The following NCOA2 variants were observed in gnomAD, a reference collection of about 807,000 sequenced individuals.
NCOA2 encodes nuclear receptor coactivator 2.
In NCOA2, 21 loss-of-function variants were observed where a neutral mutation model predicts 145.1. The observed-to-expected ratio is 0.14, with a 90% CI of 0.10 to 0.21. NCOA2 has a LOEUF of 0.21. NCOA2 is among the 10% of genes least tolerant of loss of function. The probability of loss-of-function intolerance (pLI) is 1.00; values close to 1 mark genes in which losing one functional copy is unlikely to be tolerated. For synonymous variants in NCOA2, 619 were observed against 637.5 expected (o/e 0.97, Z 0.44); for missense variants, 1,472 against 1,837.6 (o/e 0.80, Z 3.64).
chr8:70,253,126 G>A (rs532695441), intron 2 of NCOA2, among the ~76,000 whole-genome samples: 1 of 152,246 alleles, frequency 6.6e-6, no homozygotes, highest in Non-Finnish European at 1.5e-5. Context: ...AAGGAAGAGG[G>A]TGATAACTGC....
chr8:70,193,489 T>C (rs1243039229), intron 4 of NCOA2, among the ~76,000 whole-genome samples: 1 of 152,146 alleles, frequency 6.6e-6, no homozygotes, highest in Non-Finnish European at 1.5e-5. Context: ...GACAAAAATA[T>C]GTAACAACTT....
intron 1 of NCOA2, among the ~76,000 whole-genome samples, chr8:70,321,982 A>G (rs1441359120): frequency 1.3e-5 from 2 of 151,726 alleles, no homozygotes; most frequent in African/African-American, 2.4e-5. Context: ...TACAAAAATT[A>G]GCCAGGCATG....
intron 1 of NCOA2, among the ~76,000 whole-genome samples, chr8:70,334,809 T>C (rs948604156): frequency 2.0e-5 from 3 of 152,050 alleles, no homozygotes; most frequent in East Asian, 1.9e-4. Flanking sequence ...CTCTTAGTAA[T>C]ATTCATTTTG....
chr8:70,390,013 A>G (rs1813044304), intron 1 of NCOA2, among the ~76,000 whole-genome samples: 1 of 152,220 alleles, frequency 6.6e-6, no homozygotes, highest in African/African-American at 2.4e-5. Context: ...TCCGAGTCAC[A>G]TATTATTTCA....
intron 1 of NCOA2, among the ~76,000 whole-genome samples, chr8:70,401,214 G>T (rs1024502142): frequency 7.2e-5 from 11 of 152,130 alleles, no homozygotes; most frequent in Non-Finnish European, 1.6e-4. Context: ...AAAGACCTCT[G>T]TTCCTAAAAG....
At chr8:70,406,520 A>G (rs1814783528), upstream of NCOA2, among the ~76,000 whole-genome samples, 1 of 152,224 alleles carries the variant, frequency 6.6e-6, no homozygotes, top group African/African-American at 2.4e-5. Context: ...AACAAGGAAA[A>G]AATATGTGGG....
intron 2 of NCOA2, among the ~76,000 whole-genome samples, chr8:70,251,274 A>G (rs955491514): frequency 2.0e-5 from 3 of 152,230 alleles, no homozygotes; most frequent in African/African-American, 7.2e-5. Context: ...CAGTGCATAA[A>G]TGTCTATGAT....
At chr8:70,208,094 AAAAAT>A in intron 4 of NCOA2, among the ~76,000 whole-genome samples, 1 of 152,000 alleles carries the variant, frequency 6.6e-6, no homozygotes, top group East Asian at 1.9e-4. Context: ...CTGAAAATAA[AAAAAT>A]AAAATAAAAT....
intron 18 of NCOA2, among the ~76,000 whole-genome samples, chr8:70,127,830 T>A (rs1275168441): frequency 2.0e-5 from 3 of 152,356 alleles, no homozygotes; most frequent in Admixed American, 2.0e-4. Flanking sequence ...ACACTTTGCC[T>A]TCTGGTTTCA....
the NCOA2 span, among the ~76,000 whole-genome samples, chr8:70,438,696 AT>A: frequency 1.3e-5 from 2 of 152,268 alleles, no homozygotes; most frequent in East Asian, 3.8e-4. Flanking sequence ...ATTTTAAAAA[AT>A]ACATGCATTT....
intron 1 of NCOA2, among the ~76,000 whole-genome samples, chr8:70,378,553 C>A (rs1027383502): frequency 6.6e-6 from 1 of 151,856 alleles, no homozygotes; most frequent in Non-Finnish European, 1.5e-5. Context: ...GATTTTCGAA[C>A]GGGTCTAGCA....
upstream of NCOA2, among the ~76,000 whole-genome samples, chr8:70,405,894 A>T (rs1365616208): frequency 6.6e-6 from 1 of 152,170 alleles, no homozygotes; most frequent in Non-Finnish European, 1.5e-5. Context: ...TACAAGAAAT[A>T]AACAAAAACG....
At chr8:70,237,314 G>C (rs976813291) in intron 2 of NCOA2, among the ~76,000 whole-genome samples, 4 of 152,118 alleles carry the variant, frequency 2.6e-5, no homozygotes, top group African/African-American at 9.7e-5. Context: ...CTGACTCTAA[G>C]CCTGTACTCT....
rs537203975 is a variant in NCOA2, at chr8:70,303,859, T to C, written c.-76-7059A>G. ...TAAACAGAGGTAAAAGGCTCAGGGATAGTTCCCCACCAAGACTAGAGCATG... is the reference window on the plus strand; with the variant it reads ...TAAACAGAGGTAAAAGGCTCAGGGACAGTTCCCCACCAAGACTAGAGCATG... On this transcript the variant is annotated intron_variant, in intron 1 of 22. Coordinates refer to ENST00000452400, the MANE Select transcript of NCOA2 (RefSeq NM_006540.4). Among the ~76,000 whole-genome samples, 6 of 152,238 alleles carry C rather than the reference T, an allele frequency of 3.9e-5. No individual in the cohort carries two copies. In the South Asian group the frequency reaches 1.2e-3, roughly 32 times the overall value.
At chr8:70,284,647 AG>A (rs1826112645) in intron 2 of NCOA2, among the ~76,000 whole-genome samples, 2 of 152,124 alleles carry the variant, frequency 1.3e-5, no homozygotes, top group African/African-American at 4.8e-5. Flanking sequence ...TCCATTCTTA[AG>A]GGATGGTATA....
Position 70,113,148 on chromosome 8 carries a change from C to T in NCOA2, c.*484G>A, listed in dbSNP as rs1806692970. The stretch of plus-strand genomic sequence containing the variant: ...CCCAAATTCAGGCTTTAGCTTAAAA[C>T]ATCTTTAGTTTAATTTTTTAAAAAA... On this transcript the variant is annotated 3_prime_UTR_variant, in exon 23 of 23. Coordinates refer to ENST00000452400, the MANE Select transcript of NCOA2 (RefSeq NM_006540.4). The T allele has an allele frequency of 4.8e-6, 1 of 209,582 alleles. No individual in the cohort carries two copies. Among genetic ancestry groups the T allele is most frequent in the Non-Finnish European group, 9.8e-6 (1 of 102,556 alleles). 13.0% of individuals were successfully genotyped at this position (209,582 alleles called of 1,614,324 possible).
At chr8:70,280,407 TAAATC>T (rs1825789038) in intron 2 of NCOA2, among the ~76,000 whole-genome samples, 1 of 152,162 alleles carries the variant, frequency 6.6e-6, no homozygotes, top group African/African-American at 2.4e-5. Flanking sequence ...AGACGTAAGA[TAAATC>T]AAAATTCATC....
chr8:70,164,433 G>T (rs1267648644), intron 7 of NCOA2, among the ~76,000 whole-genome samples: 1 of 152,056 alleles, frequency 6.6e-6, no homozygotes, highest in African/African-American at 2.4e-5. Flanking sequence ...CTCTAAATTT[G>T]AGAATTTCTT....
intron 2 of NCOA2, among the ~76,000 whole-genome samples, chr8:70,217,103 T>C (rs1819694718): frequency 6.6e-6 from 1 of 152,142 alleles, no homozygotes; most frequent in South Asian, 2.1e-4. Context: ...TCAAGAGTGA[T>C]CTTGCACCAT....
Sources: gnomAD v4.1 joint callset for allele counts (sites outside exome capture counted in the v4.1 genomes callset) on GRCh38, gnomAD v4.1.1 for gene constraint, MANE v1.5 for transcripts, NCBI Gene and HGNC (gene_info 2026-07-23, HGNC 2026-07-21) for gene names.